The following ADD3 variants were observed in gnomAD, a reference collection of about 807,000 sequenced individuals.
The protein encoded by ADD3 is adducin 3, also known as gamma-adducin.
ADD3 carries 25 observed loss-of-function variants against 80.2 expected under a neutral mutation model. That is an observed-to-expected ratio of 0.31 (90% CI 0.23 to 0.44). The LOEUF is 0.44. ADD3 is among the 20% of genes least tolerant of loss of function. The probability of loss-of-function intolerance (pLI) is 1.00; values close to 1 mark genes in which losing one functional copy is unlikely to be tolerated. For synonymous variants in ADD3, 284 were observed against 289.6 expected, an observed-to-expected ratio of 0.98 and a Z score of 0.20; for missense variants, 829 against 847.5, an observed-to-expected ratio of 0.98 and a Z score of 0.27.
chr10:110,015,514 T>G (rs1417443562), intron 1 of ADD3, among the ~76,000 whole-genome samples: 2 of 151,902 alleles, frequency 1.3e-5, no homozygotes, highest in African/African-American at 4.8e-5. Flanking sequence ...CAGCTGGAAC[T>G]ACAAGCACCC....
chr10:110,065,976 C>T (rs1385605209), intron 1 of ADD3, among the ~76,000 whole-genome samples: 1 of 151,928 alleles, frequency 6.6e-6, no homozygotes. Context: ...TTCAATTATT[C>T]GATAGTCCTT....
chr10:110,053,042 A>G (rs937171721), intron 1 of ADD3, among the ~76,000 whole-genome samples: 6 of 152,230 alleles, frequency 3.9e-5, no homozygotes, highest in African/African-American at 1.4e-4. Flanking sequence ...ATAACTATGC[A>G]AACACAATAG....
chr10:110,050,240 C>G (rs1325334944), intron 1 of ADD3, among the ~76,000 whole-genome samples: 1 of 152,108 alleles, frequency 6.6e-6, no homozygotes, highest in Non-Finnish European at 1.5e-5. Context: ...TGTCCCCACC[C>G]ACATCTCATC....
chr10:110,014,738 G>T lies in ADD3; in HGVS notation c.-30+6439G>T, dbSNP rs189223861. ...GATGGGGTTTCTCCATGTTGGTCAG[G>T]CTGGTCTCGAACTCCCAACCTCAGG... On this transcript the variant is annotated intron_variant, in intron 1 of 14. Transcript: ENST00000356080. Among the ~76,000 whole-genome samples, 493 of 151,946 alleles carry T rather than the reference G, an allele frequency of 3.2e-3. 3 individuals are homozygous for T. Among genetic ancestry groups the T allele is most frequent in the Non-Finnish European group, 5.3e-3 (361 of 67,976 alleles).
intron 1 of ADD3, among the ~76,000 whole-genome samples, chr10:110,014,757 C>A (rs1288866167): frequency 6.6e-6 from 1 of 150,692 alleles, no homozygotes; most frequent in East Asian, 2.0e-4. Flanking sequence ...GAACTCCCAA[C>A]CTCAGGTGAT....
intron 3 of ADD3, among the ~76,000 whole-genome samples, chr10:110,115,926 C>T (rs1265384045): frequency 6.6e-6 from 1 of 152,182 alleles, no homozygotes; most frequent in Non-Finnish European, 1.5e-5. Context: ...CATCATAAAA[C>T]TAGCAGTAAC....
At chr10:110,060,373 G>A (rs1858733824) in intron 1 of ADD3, among the ~76,000 whole-genome samples, 1 of 152,182 alleles carries the variant, frequency 6.6e-6, no homozygotes, top group East Asian at 1.9e-4. Flanking sequence ...TATGGAGTGT[G>A]TGTGCTGCAA....
intron 1 of ADD3, among the ~76,000 whole-genome samples, chr10:110,084,746 C>G (rs1846494061): frequency 6.6e-6 from 1 of 152,122 alleles, no homozygotes; most frequent in South Asian, 2.1e-4. Flanking sequence ...GGGAAAACAA[C>G]TCCTCTTGTT....
At chr10:110,047,208 A>G (rs1265629426) in intron 1 of ADD3, among the ~76,000 whole-genome samples, 3 of 152,256 alleles carry the variant, frequency 2.0e-5, no homozygotes. Flanking sequence ...CTATTAATAG[A>G]TCATTTATAT....
intron 1 of ADD3, among the ~76,000 whole-genome samples, chr10:110,086,001 C>T (rs577219616): frequency 3.9e-5 from 6 of 151,984 alleles, no homozygotes; most frequent in South Asian, 2.1e-4. Flanking sequence ...GCTACTTGGA[C>T]GGCTGAAGCA....
intron 12 of ADD3, among the ~76,000 whole-genome samples, chr10:110,128,270 T>C (rs1220337532): frequency 6.6e-6 from 1 of 151,840 alleles, no homozygotes; most frequent in Non-Finnish European, 1.5e-5. Context: ...ATTATGTTAG[T>C]TTGGATGTTG....
At chr10:110,098,255 T>G (rs1396235627) in intron 1 of ADD3, among the ~76,000 whole-genome samples, 1 of 152,176 alleles carries the variant, frequency 6.6e-6, no homozygotes, top group African/African-American at 2.4e-5. Flanking sequence ...TATCTATGAA[T>G]AATAATCCTA....
chr10:110,055,716 G>T (rs1858103192), intron 1 of ADD3, among the ~76,000 whole-genome samples: 1 of 152,080 alleles, frequency 6.6e-6, no homozygotes, highest in African/African-American at 2.4e-5. Flanking sequence ...CCCTTAACTT[G>T]TCTAAGCCAC....
chr10:110,046,085 G>A (rs1856876487), intron 1 of ADD3, among the ~76,000 whole-genome samples: 1 of 152,152 alleles, frequency 6.6e-6, no homozygotes, highest in African/African-American at 2.4e-5. Context: ...TCAAGAAGCA[G>A]AGAAAAGTCA....
intron 1 of ADD3, among the ~76,000 whole-genome samples, chr10:110,086,137 C>G (rs371980777): frequency 8.0e-5 from 12 of 150,854 alleles, no homozygotes; most frequent in Admixed American, 7.9e-4. Flanking sequence ...AAAGGCTGGG[C>G]GCAGTATCTC....
chr10:110,064,944 G>A (rs1843718682), intron 1 of ADD3, among the ~76,000 whole-genome samples: 1 of 152,158 alleles, frequency 6.6e-6, no homozygotes, highest in Non-Finnish European at 1.5e-5. Context: ...TGTAGTCCTA[G>A]CTATGCAGGA....
chr10:110,117,365 C>T lies in ADD3; in HGVS notation c.510C>T (p.Asp170=), dbSNP rs1196375468. 1 of 1,602,020 alleles carries T rather than the reference C, an allele frequency of 6.2e-7. No homozygotes were observed. Among genetic ancestry groups the T allele is most frequent in the African/African-American group, 1.3e-5 (1 of 74,524 alleles). The change falls in exon 5 of 15, where the codon GAC becomes GAT. Residue 170 remains aspartate, a synonymous_variant. Coordinates refer to ENST00000356080, the MANE Select transcript of ADD3 (RefSeq NM_016824.5). ...AGGTAAGAATAAGTAAGGAGCAAGA[C>T]CACATTATAATAATTCCCAGAGGCC... ...YISVRISKEQ[D]HIIIIPRGLS... is the part of the protein sequence containing the mutation.
Position 110,093,544 on chromosome 10 carries a change from TAA to T in ADD3, c.-29-7079_-29-7078del, listed in dbSNP as rs1466284806. 2.0e-5 allele frequency among the ~76,000 whole-genome samples: 3 copies of T among 152,212 alleles called. No individual in the cohort carries two copies. The East Asian group carries it at 5.8e-4, about 29-fold the overall frequency. On this transcript the variant is annotated intron_variant, in intron 1 of 14. Coordinates refer to ENST00000356080, the MANE Select transcript of ADD3 (RefSeq NM_016824.5). Reference sequence around the variant, plus strand: ...TAAGTCATAGTGGTCATCTGTCAGGTAAAGAGTTAAGACTTCCTATATACTGA... The same window carrying T: ...TAAGTCATAGTGGTCATCTGTCAGGTAGAGTTAAGACTTCCTATATACTGA...
At chr10:109,999,102 A>G (rs1231868143) in intron 1 of ADD3, among the ~76,000 whole-genome samples, 3 of 152,184 alleles carry the variant, frequency 2.0e-5, no homozygotes, top group Non-Finnish European at 2.9e-5. Flanking sequence ...ATTAATGGAC[A>G]GTGACTGGAA....
Sources: allele counts gnomAD v4.1 joint callset (sites outside exome capture counted in the v4.1 genomes callset), GRCh38; gene constraint gnomAD v4.1.1; transcripts MANE v1.5; gene names NCBI Gene and HGNC (gene_info 2026-07-23, HGNC 2026-07-21).